MGAT4C: variants seen among roughly 807,000 people sequenced by gnomAD.
MGAT4C encodes alpha-1,3-mannosyl-glycoprotein 4-beta-N-acetylglucosaminyltransferase C.
MGAT4C carries 19 observed loss-of-function variants against 40.1 expected under a neutral mutation model. That is an observed-to-expected ratio of 0.47 (90% CI 0.33 to 0.70). The LOEUF (loss-of-function observed/expected upper bound fraction) is 0.70, where lower values mean the gene tolerates loss of function less well. Ranked by LOEUF, MGAT4C falls within the 30% of genes least tolerant of loss-of-function variation. MGAT4C has a pLI of 0.02. For synonymous variants in MGAT4C, 181 were observed against 187.1 expected (o/e 0.97, Z 0.27); for missense variants, 491 against 563.2 (o/e 0.87, Z 1.30).
intron 1 of MGAT4C, among the ~76,000 whole-genome samples, chr12:86,794,303 T>C (rs1483291095): frequency 1.3e-5 from 2 of 151,750 alleles, no homozygotes; most frequent in Non-Finnish European, 3.0e-5. Context: ...TCAAATAAAC[T>C]AGAAATTAGT....
At chr12:86,698,351 GTATGTGTGTT>G (rs1950297096) in intron 2 of MGAT4C, among the ~76,000 whole-genome samples, 1 of 151,974 alleles carries the variant, frequency 6.6e-6, no homozygotes, top group African/African-American at 2.4e-5. Context: ...TTGTGTTTGT[GTATGTGTGTT>G]TGTGTGTGTG....
chr12:86,235,778 G>T (rs1951509977), intron 1 of MGAT4C, among the ~76,000 whole-genome samples: 1 of 151,942 alleles, frequency 6.6e-6, no homozygotes, highest in South Asian at 2.1e-4. Flanking sequence ...GTAGATACTT[G>T]CTTCCTTCAT....
intron 1 of MGAT4C, among the ~76,000 whole-genome samples, chr12:86,818,549 T>G (rs536578929): frequency 6.6e-6 from 1 of 151,016 alleles, no homozygotes; most frequent in Non-Finnish European, 1.5e-5. Context: ...AATAGGTAAT[T>G]AAGGTGATTC....
intron 1 of MGAT4C, among the ~76,000 whole-genome samples, chr12:86,190,590 G>T (rs1348736589): frequency 2.0e-5 from 3 of 151,816 alleles, no homozygotes; most frequent in Admixed American, 2.0e-4. Flanking sequence ...GAGAATTTTG[G>T]CTTGAATTTG....
At chr12:86,285,331 G>A (rs1410222975) in intron 4 of MGAT4C, among the ~76,000 whole-genome samples, 1 of 152,026 alleles carries the variant, frequency 6.6e-6, no homozygotes, top group Non-Finnish European at 1.5e-5. Context: ...AGCTTCATAA[G>A]AGCAGGGATG....
chr12:86,385,499 G>T (rs1359017799), intron 3 of MGAT4C, among the ~76,000 whole-genome samples: 2 of 152,104 alleles, frequency 1.3e-5, no homozygotes, highest in Admixed American at 6.5e-5. Context: ...CTGAAATTTT[G>T]TTGCTTAATG....
chr12:86,574,381 A>G (rs11103995), intron 2 of MGAT4C, among the ~76,000 whole-genome samples: 7,964 of 151,914 alleles, frequency 0.052, 343 homozygotes, highest in East Asian at 0.19. Context: ...GGCCCCAGAC[A>G]TCACAGATAC....
chr12:86,182,913 T>C (rs1256741597), intron 1 of MGAT4C, among the ~76,000 whole-genome samples: 1 of 152,178 alleles, frequency 6.6e-6, no homozygotes, highest in African/African-American at 2.4e-5. Flanking sequence ...TCTCTGCAAC[T>C]TCCAGACCCA....
At chr12:86,581,967 C>A (rs1234424457) in intron 2 of MGAT4C, among the ~76,000 whole-genome samples, 1 of 151,452 alleles carries the variant, frequency 6.6e-6, no homozygotes, top group East Asian at 1.9e-4. Context: ...AAGATACAGT[C>A]CGTGTCTTAT....
intron 2 of MGAT4C, among the ~76,000 whole-genome samples, chr12:86,640,764 A>C (rs1322791033): frequency 6.7e-6 from 1 of 149,556 alleles, no homozygotes; most frequent in Non-Finnish European, 1.5e-5. Flanking sequence ...CCTTCTACAC[A>C]CTGCTTTGAA....
intron 2 of MGAT4C, among the ~76,000 whole-genome samples, chr12:86,487,163 T>C (rs1436092900): frequency 1.3e-5 from 2 of 152,118 alleles, no homozygotes; most frequent in East Asian, 1.9e-4. Flanking sequence ...AATGGAGTCA[T>C]TTGGTACCAG....
At chr12:86,184,760 A>AC (rs1888553807) in intron 1 of MGAT4C, among the ~76,000 whole-genome samples, 4 of 149,654 alleles carry the variant, frequency 2.7e-5, no homozygotes, top group African/African-American at 9.8e-5. Context: ...AAAAAAAAAA[A>AC]AAAACTATGG....
chr12:86,630,969 T>C (rs1190940705), intron 2 of MGAT4C, among the ~76,000 whole-genome samples: 2 of 152,194 alleles, frequency 1.3e-5, no homozygotes, highest in Non-Finnish European at 1.5e-5. Flanking sequence ...AAATTGTCCC[T>C]GTTTGCAGAA....
intron 2 of MGAT4C, among the ~76,000 whole-genome samples, chr12:86,634,313 T>A (rs1379187978): frequency 3.3e-5 from 5 of 152,164 alleles, no homozygotes; most frequent in Non-Finnish European, 5.9e-5. Context: ...TTCATGAGGT[T>A]ATTTAATCCA....
chr12:86,493,452 G>A (rs1223875954), intron 2 of MGAT4C, among the ~76,000 whole-genome samples: 1 of 152,068 alleles, frequency 6.6e-6, no homozygotes, highest in Non-Finnish European at 1.5e-5. Flanking sequence ...ATACACCATG[G>A]AATACCATGC....
intron 2 of MGAT4C, among the ~76,000 whole-genome samples, chr12:86,693,370 T>C (rs1053636838): frequency 5.9e-5 from 9 of 152,180 alleles, no homozygotes; most frequent in Admixed American, 1.3e-4. Context: ...AAACTAGTGT[T>C]CCACAAATAT....
chr12:86,392,207 C>T (rs1367520896), intron 3 of MGAT4C, among the ~76,000 whole-genome samples: 2 of 152,126 alleles, frequency 1.3e-5, no homozygotes, highest in Non-Finnish European at 2.9e-5. Flanking sequence ...TGCAGTGGCT[C>T]AGTCCTGTAA....
At chr12:86,408,798 C>T (rs1217315665) in intron 3 of MGAT4C, among the ~76,000 whole-genome samples, 2 of 151,820 alleles carry the variant, frequency 1.3e-5, no homozygotes, top group African/African-American at 2.4e-5. Context: ...AGAGATAGAA[C>T]TTCTGTCTCC....
At chr12:86,385,577 T>C (rs1381826967) in intron 3 of MGAT4C, among the ~76,000 whole-genome samples, 9 of 152,218 alleles carry the variant, frequency 5.9e-5, no homozygotes, top group Admixed American at 5.2e-4. Flanking sequence ...TGTATGACCT[T>C]TTGTGGTCCA....
Sources: gnomAD v4.1 joint callset for allele counts (sites outside exome capture counted in the v4.1 genomes callset) on GRCh38, gnomAD v4.1.1 for gene constraint, MANE v1.5 for transcripts, NCBI Gene and HGNC (gene_info 2026-07-23, HGNC 2026-07-21) for gene names.